Variants in RHBDF2 observed in about 807,000 individuals in gnomAD.
The protein encoded by RHBDF2 is inactive rhomboid protein 2.
In RHBDF2, 38 loss-of-function variants were observed where a neutral mutation model predicts 95.2. That is an observed-to-expected ratio of 0.40 (90% confidence interval 0.31 to 0.52). RHBDF2 has a LOEUF of 0.52. Among genes scored for constraint, RHBDF2 ranks in the 20% least tolerant of loss-of-function variants. RHBDF2 has a pLI of 0.56. For synonymous variants in RHBDF2, 442 were observed against 462.0 expected (o/e 0.96, Z 0.55); for missense variants, 863 against 1,137.7 (o/e 0.76, Z 3.47).
intron 1 of RHBDF2, among the ~76,000 whole-genome samples, chr17:76,494,476 G>A (rs968764771): frequency 5.3e-5 from 8 of 152,198 alleles, no homozygotes; most frequent in African/African-American, 1.2e-4. Context: ...TGGAGGCTGG[G>A]CACAGTGGCT....
At position 76,471,838 on chromosome 17, in the gene RHBDF2, G is replaced by A. The variant is rs1412517046; in HGVS notation, c.2279C>T (p.Pro760Leu). Residue 760 changes from proline to leucine, a missense_variant, in exon 19 of 19, where the codon CCC becomes CTC. Around this residue, in one of 2 missense-constraint regions of RHBDF2, gnomAD observed 252 missense variants for 412.2 expected, o/e 0.61. Transcript: ENST00000675367. Reference protein sequence around the residue: ...SGLLLAFAFLPYITFGTSDKY... With the variant: ...SGLLLAFAFLLYITFGTSDKY... ...GTCGCTGGTGCCGAAGGTGATGTAG[G>A]GCAGGAAGGCGAAGGCCAGCAGCAG... 6.3e-7 allele frequency: 1 copy of A among 1,595,644 alleles called. No individual in the cohort carries two copies. Among genetic ancestry groups the A allele is most frequent in the African/African-American group, 1.3e-5 (1 of 74,814 alleles).
chr17:76,492,201 G>A (rs1384256618), intron 1 of RHBDF2, among the ~76,000 whole-genome samples: 1 of 152,198 alleles, frequency 6.6e-6, no homozygotes, highest in African/African-American at 2.4e-5. Context: ...TTAGGGTGGG[G>A]CGGGGGAAAT....
chr17:76,498,787 A>AGTGTGTGT (rs1315013148), intron 1 of RHBDF2, among the ~76,000 whole-genome samples: 3 of 52,884 alleles, frequency 5.7e-5, no homozygotes, highest in East Asian at 2.1e-3. Flanking sequence ...GGAGAGAAAG[A>AGTGTGTGT]GAGTGTGTGT....
At chr17:76,494,884 G>C (rs1456127841) in intron 1 of RHBDF2, among the ~76,000 whole-genome samples, 1 of 152,236 alleles carries the variant, frequency 6.6e-6, no homozygotes, top group African/African-American at 2.4e-5. Flanking sequence ...CTGGACTGCA[G>C]GCTTTGGGGC....
chr17:76,479,310 C>A (rs771906883), intron 4 of RHBDF2, 33 bp from the exon 5 acceptor site: 3 of 1,561,886 alleles, frequency 1.9e-6, no homozygotes, highest in Admixed American at 1.9e-5. Context: ...GGTGGGCATA[C>A]GCTTGTCTAC....
At position 76,471,421 on chromosome 17, in the gene RHBDF2, T is replaced by C. The variant is rs537321555; in HGVS notation, c.*212A>G. 1 of 573,344 alleles carries C rather than the reference T, an allele frequency of 1.7e-6. No individual in the cohort carries two copies. The highest frequency in any genetic ancestry group is 2.9e-5 in the East Asian group (1 of 34,390). 35.5% of individuals were successfully genotyped at this position (573,344 alleles called of 1,614,324 possible). On this transcript the variant is annotated 3_prime_UTR_variant, in exon 19 of 19. Coordinates refer to ENST00000675367, the MANE Select transcript of RHBDF2 (RefSeq NM_001005498.4). ...GGGTGTGCCTGAGCTTGGGTCAGGA[T>C]CTCACAGGCCTCACGCCCCAGAAAA...
intron 1 of RHBDF2, among the ~76,000 whole-genome samples, chr17:76,495,491 A>C (rs1246698887): frequency 6.6e-6 from 1 of 152,250 alleles, no homozygotes; most frequent in Non-Finnish European, 1.5e-5. Context: ...TTGTGTATGC[A>C]TAAGATGCTA....
intron 1 of RHBDF2, among the ~76,000 whole-genome samples, chr17:76,489,961 C>G (rs2074255664): frequency 6.6e-6 from 1 of 152,186 alleles, no homozygotes; most frequent in African/African-American, 2.4e-5. Context: ...AGAAGACCCC[C>G]TCTCAGGGAG....
chr17:76,478,656 T>C (rs2073848586), intron 6 of RHBDF2, 150 bp downstream of exon 6: 1 of 680,966 alleles, frequency 1.5e-6, no homozygotes, highest in African/African-American at 1.8e-5. Flanking sequence ...GGTCCCTCTT[T>C]GCCCAGGGAT....
At chr17:76,477,447 T>C in intron 7 of RHBDF2, 149 bp from the exon 8 acceptor site, 1 of 1,200,750 alleles carries the variant, frequency 8.3e-7, no homozygotes, top group Admixed American at 2.5e-5. Context: ...CAATGGTGAC[T>C]TTCCCGGGTG....
Position 76,483,903 on chromosome 17 carries a change from C to T in RHBDF2, c.-21-2358G>A, listed in dbSNP as rs533032918. ...CCTCTGACTCCACCAGAATTAACAC[C>T]CTCTGCCTGTTTCATTCTCTTCGTT... On this transcript the variant is annotated intron_variant, in intron 2 of 18. Transcript: ENST00000675367. 4.6e-5 allele frequency among the ~76,000 whole-genome samples: 7 copies of T among 152,260 alleles called. No homozygotes were observed. The East Asian group carries it at 1.4e-3, about 29-fold the overall frequency.
rs2144097902 is a variant in RHBDF2 at position 76,475,978 on chromosome 17, T to G, written c.1116-837A>C. 3 of 151,594 alleles carry G rather than the reference T, an allele frequency of 2.0e-5. 1 individual carries two copies. In the South Asian group the frequency reaches 6.2e-4, roughly 32 times the overall value. The allele number at this position is 151,594 out of a possible 1,614,324, so 9.4% of individuals were successfully genotyped here. On this transcript the variant is annotated intron_variant, in intron 9 of 18. Coordinates refer to ENST00000675367, the MANE Select transcript of RHBDF2 (RefSeq NM_001005498.4). ...TGGAGTACAATGGTGCGATCCTGGC[T>G]CACTGCAACCTCTGCCTCCCAGGTT...
rs2073803039 is a variant in RHBDF2 at position 76,477,246 on chromosome 17, G to C, written c.854C>G (p.Ala285Gly). The part of the protein sequence containing the change: ...DDVFESPPLS[A>G]SYFRGIPHSA... ...GTGTGGGATCCCTCGGAAGTAGCTG[G>C]CAGAGAGTGGGGGGGACTCAAAGAC... Residue 285 changes from alanine (A) to glycine (G), a missense_variant, in exon 8 of 19, where the codon GCC (alanine) becomes GGC (glycine). This residue lies in a region of RHBDF2 where 611 missense variants were observed against 725.5 expected (regional missense o/e 0.84). Transcript: ENST00000675367. The C allele has an allele frequency of 6.2e-7, 1 of 1,608,068 alleles. No homozygotes were observed. The highest frequency in any genetic ancestry group is 1.3e-5 in the African/African-American group (1 of 74,586).
At chr17:76,481,989 AC>A (rs1450037224) in intron 2 of RHBDF2, 1 of 100,694 alleles carries the variant, frequency 9.9e-6, no homozygotes, top group Non-Finnish European at 2.3e-5. Flanking sequence ...ACACACACAC[AC>A]ACACACACAC....
chr17:76,477,667 AAGG>A lies in RHBDF2; in HGVS notation c.788_790del (p.Ser263del), dbSNP rs772250207. The A allele has an allele frequency of 1.7e-5, 28 of 1,614,104 alleles. No homozygotes were observed. The East Asian group carries it at 2.9e-4, about 17-fold the overall frequency. ...ACACCCCATGCTTGCCTTACTAAAA[AAGG>A]AGGAGTCAAACGTGTCTGCCCCATC... On this transcript the variant is annotated inframe_deletion, in exon 7 of 19. Transcript: ENST00000675367.
intron 2 of RHBDF2, among the ~76,000 whole-genome samples, chr17:76,482,976 C>G (rs1456038872): frequency 6.6e-6 from 1 of 152,140 alleles, no homozygotes; most frequent in Non-Finnish European, 1.5e-5. Context: ...TCGAGACTAG[C>G]CTGGCCAACA....
rs375160972 is a variant in RHBDF2 at position 76,474,475 on chromosome 17, G to T, written c.1362C>A (p.Ile454=). 8 of 1,614,028 alleles carry T rather than the reference G, an allele frequency of 5.0e-6. No homozygotes were observed. Among genetic ancestry groups the T allele is most frequent in the Non-Finnish European group, 6.8e-6 (8 of 1,180,024 alleles). ...CTCGCTCGCGCAGCACCAGCTGCTC[G>T]ATCTGCCCGTCCTTCCGGATGCAGG... ...FSPCIRKDGQ[I]EQLVLRERDL... The change falls in exon 12 of 19, where the codon ATC becomes ATA. Residue 454 remains isoleucine, a synonymous_variant. Transcript: ENST00000675367.
chr17:76,477,909 G>A (rs1598663215), intron 6 of RHBDF2, 124 bp from the exon 7 acceptor site: 1 of 1,409,840 alleles, frequency 7.1e-7, no homozygotes, highest in East Asian at 2.4e-5. Context: ...GAGGGATCCT[G>A]CCCAAAGCGT....
At chr17:76,480,006 A>ACT in intron 3 of RHBDF2, 152 bp from the exon 4 acceptor site, 3 of 598,220 alleles carry the variant, frequency 5.0e-6, no homozygotes, top group Non-Finnish European at 7.5e-6. Flanking sequence ...ATATATATAT[A>ACT]ATGTGTGTGT....
Sources: gnomAD v4.1 joint callset for allele counts (sites outside exome capture counted in the v4.1 genomes callset) on GRCh38, gnomAD v4.1.1 for gene constraint, gnomAD v4.1.1 regional missense constraint, MANE v1.5 for transcripts, NCBI Gene and HGNC (gene_info 2026-07-23, HGNC 2026-07-21) for gene names.